Variants in DDHD1 observed in about 807,000 individuals in gnomAD.
DDHD1 encodes DDHD domain containing 1.
In DDHD1, 49 loss-of-function variants were observed where a neutral mutation model predicts 96.4. The ratio of observed to expected loss-of-function variants is 0.51; its 90% confidence interval spans 0.40 to 0.64. DDHD1 has a LOEUF of 0.64. Ranked by LOEUF, DDHD1 falls within the 30% of genes least tolerant of loss-of-function variation. DDHD1 has a pLI of 0.00. For synonymous variants in DDHD1, 442 were observed against 446.5 expected (o/e 0.99, Z 0.13); for missense variants, 1,106 against 1,161.2 (o/e 0.95, Z 0.69).
chr14:53,127,079 A>G (rs1330003448), intron 1 of DDHD1, among the ~76,000 whole-genome samples: 4 of 152,208 alleles, frequency 2.6e-5, no homozygotes, highest in African/African-American at 4.8e-5. Context: ...ACGCTTGAAC[A>G]TATGTTTTTT....
intron 1 of DDHD1, among the ~76,000 whole-genome samples, chr14:53,109,957 G>A (rs138279284): frequency 1.1e-3 from 174 of 152,174 alleles, no homozygotes; most frequent in African/African-American, 3.9e-3. Flanking sequence ...TTCTTTACTG[G>A]TGTTCAACCA....
At chr14:53,128,881 T>C (rs560748324) in intron 1 of DDHD1, among the ~76,000 whole-genome samples, 11 of 152,170 alleles carry the variant, frequency 7.2e-5, no homozygotes, top group Non-Finnish European at 1.3e-4. Flanking sequence ...CCACCCTAAC[T>C]GATCAACTGA....
At chr14:53,097,866 G>T (rs2139698234) in intron 2 of DDHD1, among the ~76,000 whole-genome samples, 1 of 151,782 alleles carries the variant, frequency 6.6e-6, no homozygotes, top group South Asian at 2.1e-4. Flanking sequence ...GAGAAACAAA[G>T]AAAAAAATTT....
intron 1 of DDHD1, among the ~76,000 whole-genome samples, chr14:53,133,105 C>A (rs1013085618): frequency 6.6e-6 from 1 of 152,188 alleles, no homozygotes; most frequent in Non-Finnish European, 1.5e-5. Flanking sequence ...TCCTTTCCAT[C>A]ATGGAAATCT....
chr14:53,150,472 G>A (rs1891268352), intron 1 of DDHD1, among the ~76,000 whole-genome samples: 1 of 152,186 alleles, frequency 6.6e-6, no homozygotes, highest in Admixed American at 6.5e-5. Flanking sequence ...TGCTATCACT[G>A]TAAAATAATC....
intron 11 of DDHD1, chr14:53,054,208 C>A (rs113106749): frequency 4.5e-6 from 2 of 441,776 alleles, no homozygotes; most frequent in African/African-American, 2.0e-5. Flanking sequence ...TGCCACAAGG[C>A]CCTAATTACT....
At position 53,041,502 on chromosome 14, in the gene DDHD1, G is replaced by C. The variant is rs1881647192; in HGVS notation, c.*5266C>G. ...TTCTGAGTTAACCTATGTTGGAACA[G>C]TTTTGGAGGTGACCTATTTGTCATG... On this transcript the variant is annotated 3_prime_UTR_variant, in exon 13 of 13. Transcript: ENST00000673822. 6.6e-6 allele frequency: 1 copy of C among 152,190 alleles called. No homozygotes were observed. Among genetic ancestry groups the C allele is most frequent in the Non-Finnish European group, 1.5e-5 (1 of 68,020 alleles). The allele number at this position is 152,190 out of a possible 1,614,324, so 9.4% of individuals were successfully genotyped here.
intron 1 of DDHD1, among the ~76,000 whole-genome samples, chr14:53,105,707 T>C (rs549973551): frequency 6.6e-6 from 1 of 152,322 alleles, no homozygotes; most frequent in African/African-American, 2.4e-5. Context: ...AGGCATAGAA[T>C]TGGGTTTTGC....
chr14:53,049,253 T>C (rs780269665), intron 12 of DDHD1, among the ~76,000 whole-genome samples: 17 of 152,218 alleles, frequency 1.1e-4, no homozygotes, highest in Non-Finnish European at 1.9e-4. Context: ...CTTCCATATT[T>C]ATCTACAGAT....
At chr14:53,143,329 T>A (rs1404762508) in intron 1 of DDHD1, among the ~76,000 whole-genome samples, 5 of 152,164 alleles carry the variant, frequency 3.3e-5, no homozygotes, top group Non-Finnish European at 7.4e-5. Context: ...TGAAAACAAA[T>A]GCTGTAAACC....
Position 53,046,822 on chromosome 14 carries a change from G to C in DDHD1, c.2649C>G (p.Phe883Leu). 1 of 1,612,654 alleles carries C rather than the reference G, an allele frequency of 6.2e-7. No individual in the cohort carries two copies. The highest frequency in any genetic ancestry group is 8.5e-7 in the Non-Finnish European group (1 of 1,179,316). The change falls in exon 13 of 13, where the codon TTC (phenylalanine) becomes TTG (leucine). Residue 883 changes from phenylalanine (F) to leucine (L), a missense_variant. This residue lies in a region of DDHD1 where 650 missense variants were observed against 758.8 expected (regional missense o/e 0.86). Coordinates refer to ENST00000673822, the MANE Select transcript of DDHD1 (RefSeq NM_001160148.2). ...CATCATCGTGCTCATGTTTATACAT[G>C]AAGGTTAAAAGAAAAAGGGCAACAT... ...SLDVALFLLT[F>L]MYKHEHDDDA... is the part of the protein sequence containing the mutation.
At position 53,063,186 on chromosome 14, in the gene DDHD1, T is replaced by C; in HGVS notation, c.1523A>G (p.Gln508Arg). The C allele has an allele frequency of 6.2e-7, 1 of 1,613,722 alleles. No homozygotes were observed. Among genetic ancestry groups the C allele is most frequent in the Non-Finnish European group, 8.5e-7 (1 of 1,179,944 alleles). The change falls in exon 7 of 13, where the codon CAA (glutamine) becomes CGA (arginine). Residue 508 changes from glutamine (Q) to arginine (R), a missense_variant. Physicochemically the swap from Gln to Arg is conservative, Grantham distance 43. Around this residue, in one of 2 missense-constraint regions of DDHD1, gnomAD observed 650 missense variants for 758.8 expected, o/e 0.86. Coordinates refer to ENST00000673822, the MANE Select transcript of DDHD1 (RefSeq NM_001160148.2). ...YRDELVKGLQ[Q>R]ELNRLYSLFC... ...AAGGGAATACAATCGATTCAGCTCTTGCTGAAGGCCTTTAACTAGCTGTTT... is the reference window on the plus strand; with the variant it reads ...AAGGGAATACAATCGATTCAGCTCTCGCTGAAGGCCTTTAACTAGCTGTTT...
chr14:53,089,108 G>A (rs950007157), intron 4 of DDHD1, among the ~76,000 whole-genome samples: 14 of 152,214 alleles, frequency 9.2e-5, no homozygotes, highest in African/African-American at 3.1e-4. Context: ...CAACTTACAA[G>A]GGATGTGAAG....
At chr14:53,128,522 C>G (rs1889625711) in intron 1 of DDHD1, among the ~76,000 whole-genome samples, 1 of 152,162 alleles carries the variant, frequency 6.6e-6, no homozygotes, top group Non-Finnish European at 1.5e-5. Flanking sequence ...CTTATCACTT[C>G]CCAAAGGCCC....
At position 53,152,697 on chromosome 14, in the gene DDHD1, G is replaced by A. The variant is rs1891524678; in HGVS notation, c.402C>T (p.Gly134=). ...TTTCCCCGGGGGACCCTCCTGTCGC[G>A]CCGCCGCCCCCCGAGTTCGTCGGGA... ...PLVPTNSGGG[G]ATGGSPGERK... Residue 134 remains glycine, a synonymous_variant, in exon 1 of 13, where the codon GGC becomes GGT. Coordinates refer to ENST00000673822, the MANE Select transcript of DDHD1 (RefSeq NM_001160148.2). The A allele has an allele frequency of 6.2e-7, 1 of 1,610,996 alleles. No individual in the cohort carries two copies. Among genetic ancestry groups the A allele is most frequent in the Non-Finnish European group, 8.5e-7 (1 of 1,179,026 alleles).
intron 6 of DDHD1, among the ~76,000 whole-genome samples, chr14:53,067,645 CAG>C (rs989671276): frequency 2.6e-4 from 40 of 152,098 alleles, no homozygotes; most frequent in African/African-American, 8.0e-4. Flanking sequence ...TTAGTAGAGA[CAG>C]AGTTTCTCCA....
chr14:53,127,725 G>A (rs545721110), intron 1 of DDHD1, among the ~76,000 whole-genome samples: 2 of 152,296 alleles, frequency 1.3e-5, no homozygotes, highest in South Asian at 4.1e-4. Flanking sequence ...AGGTAAGATC[G>A]CTACAGACAC....
At chr14:53,084,496 T>C (rs1373081870) in intron 4 of DDHD1, among the ~76,000 whole-genome samples, 1 of 152,176 alleles carries the variant, frequency 6.6e-6, no homozygotes, top group Non-Finnish European at 1.5e-5. Context: ...CATATAAATA[T>C]AAACATCACG....
At chr14:53,058,870 A>T (rs1296406877) in intron 8 of DDHD1, among the ~76,000 whole-genome samples, 1 of 152,162 alleles carries the variant, frequency 6.6e-6, no homozygotes, top group Non-Finnish European at 1.5e-5. Context: ...GATAAGGATC[A>T]TTTTCTTATA....
Sources: allele counts gnomAD v4.1 joint callset (sites outside exome capture counted in the v4.1 genomes callset), GRCh38; gene constraint gnomAD v4.1.1; regional missense constraint gnomAD v4.1.1; transcripts MANE v1.5; gene names NCBI Gene and HGNC (gene_info 2026-07-23, HGNC 2026-07-21).